Variants in AUTS2 observed in about 807,000 individuals in gnomAD.
AUTS2 encodes the protein activator of transcription and developmental regulator AUTS2, also known as autism susceptibility gene 2 protein.
In AUTS2, 17 loss-of-function variants were observed where a neutral mutation model predicts 112.4. The observed-to-expected ratio is 0.15, with a 90% confidence interval of 0.10 to 0.23. AUTS2 has a LOEUF of 0.23. AUTS2 is among the 10% of genes least tolerant of loss of function. The probability of loss-of-function intolerance (pLI) is 1.00; values close to 1 mark genes in which losing one functional copy is unlikely to be tolerated. For synonymous variants in AUTS2, 751 were observed against 702.7 expected (o/e 1.07, Z -1.09); for missense variants, 1,510 against 1,701.6 (o/e 0.89, Z 1.98).
intron 6 of AUTS2, among the ~76,000 whole-genome samples, chr7:70,754,445 C>G (rs566441665): frequency 3.3e-5 from 5 of 152,244 alleles, no homozygotes; most frequent in African/African-American, 1.2e-4. Context: ...GCTGTGATTG[C>G]ACCACTGCAT....
At chr7:70,350,491 A>T (rs757055784) in intron 4 of AUTS2, among the ~76,000 whole-genome samples, 15 of 152,200 alleles carry the variant, frequency 9.9e-5, no homozygotes, top group Non-Finnish European at 1.5e-4. Flanking sequence ...TACGTCTTAC[A>T]TGGTGGCAGG....
chr7:69,848,380 C>T (rs1792307855), intron 1 of AUTS2, among the ~76,000 whole-genome samples: 2 of 152,188 alleles, frequency 1.3e-5, no homozygotes, highest in African/African-American at 2.4e-5. Context: ...GAGCAGAGCA[C>T]GTTGCTGCCA....
chr7:69,647,077 G>T lies in AUTS2; in HGVS notation c.309+47115G>T, dbSNP rs566337185. On this transcript the variant is annotated intron_variant, in intron 1 of 18. Coordinates refer to ENST00000342771, the MANE Select transcript of AUTS2 (RefSeq NM_015570.4). ...CACTCCAGCCTGGGCGATAGAGCGA[G>T]ACTCTGTCTCAAACAAAACAAAACA... is the stretch of plus-strand genomic sequence containing the variant. Among the ~76,000 whole-genome samples the T allele has an allele frequency of 1.2e-4, 19 of 152,282 alleles. No homozygotes were observed. In the East Asian group the frequency reaches 3.7e-3, roughly 29 times the overall value.
chr7:70,784,868 A>G, intron 15 of AUTS2, 74 bp from the exon 16 acceptor site: 1 of 1,393,606 alleles, frequency 7.2e-7, no homozygotes, highest in Non-Finnish European at 1.0e-6. Context: ...GGGGCCCTTA[A>G]GCAAGTAGAA....
intron 2 of AUTS2, among the ~76,000 whole-genome samples, chr7:70,080,095 A>G (rs1420483048): frequency 6.6e-6 from 1 of 152,048 alleles, no homozygotes; most frequent in African/African-American, 2.4e-5. Context: ...TTTTGGGGGG[A>G]CACATTCAAA....
intron 4 of AUTS2, among the ~76,000 whole-genome samples, chr7:70,234,336 A>G (rs150622463): frequency 1.3e-5 from 2 of 152,186 alleles, no homozygotes; most frequent in Admixed American, 6.5e-5. Context: ...ATTGTCATTC[A>G]CGTTTCTCTT....
At chr7:69,681,476 G>C (rs1796793280) in intron 1 of AUTS2, among the ~76,000 whole-genome samples, 1 of 152,170 alleles carries the variant, frequency 6.6e-6, no homozygotes, top group Non-Finnish European at 1.5e-5. Flanking sequence ...CCTGTTCCAA[G>C]CTTCTTCAGA....
chr7:70,177,869 T>A (rs969555492), intron 4 of AUTS2, among the ~76,000 whole-genome samples: 1 of 152,024 alleles, frequency 6.6e-6, no homozygotes, highest in Non-Finnish European at 1.5e-5. Flanking sequence ...CTTCTTCCTG[T>A]TAGTGGTTTG....
chr7:70,591,172 C>G (rs1209671211), intron 5 of AUTS2, among the ~76,000 whole-genome samples: 2 of 151,932 alleles, frequency 1.3e-5, no homozygotes, highest in Admixed American at 6.6e-5. Flanking sequence ...CACCTGCCCC[C>G]ACCCCAGATG....
At chr7:70,469,198 T>A (rs1026469231) in intron 5 of AUTS2, among the ~76,000 whole-genome samples, 1 of 152,192 alleles carries the variant, frequency 6.6e-6, no homozygotes, top group African/African-American at 2.4e-5. Context: ...ATTCTCCTAG[T>A]ATGGATGGTA....
chr7:69,614,383 T>G (rs1793250075), intron 1 of AUTS2, among the ~76,000 whole-genome samples: 1 of 149,932 alleles, frequency 6.7e-6, no homozygotes, highest in African/African-American at 2.5e-5. Flanking sequence ...AGAGATGGGA[T>G]CTCACTCTGT....
At chr7:70,152,217 G>A (rs1395954761) in intron 4 of AUTS2, among the ~76,000 whole-genome samples, 2 of 152,102 alleles carry the variant, frequency 1.3e-5, no homozygotes, top group Non-Finnish European at 2.9e-5. Context: ...TCTAATGCAT[G>A]TAAATTGGAG....
At chr7:70,246,452 A>C (rs993375853) in intron 4 of AUTS2, among the ~76,000 whole-genome samples, 3 of 152,118 alleles carry the variant, frequency 2.0e-5, no homozygotes, top group Admixed American at 6.5e-5. Flanking sequence ...ATATATTTTA[A>C]AAGTTTCTTC....
intron 5 of AUTS2, among the ~76,000 whole-genome samples, chr7:70,681,320 C>T (rs182399779): frequency 7.2e-5 from 11 of 152,220 alleles, no homozygotes; most frequent in Middle Eastern, 3.4e-3. Flanking sequence ...TCCCGCTCCC[C>T]GAGGGTTTGC....
intron 5 of AUTS2, among the ~76,000 whole-genome samples, chr7:70,517,814 C>T (rs1799479800): frequency 6.6e-6 from 1 of 151,844 alleles, no homozygotes; most frequent in African/African-American, 2.4e-5. Flanking sequence ...TACATATATA[C>T]ATACATAATT....
Position 70,648,459 on chromosome 7 carries a change from A to G in AUTS2, c.691-50110A>G, listed in dbSNP as rs144292200. Among the ~76,000 whole-genome samples, 1,202 of 152,312 alleles carry G rather than the reference A, an allele frequency of 7.9e-3. 17 individuals carry two copies. The highest frequency in any genetic ancestry group is 0.027 in the African/African-American group (1,142 of 41,568). On this transcript the variant is annotated intron_variant, in intron 5 of 18. Coordinates refer to ENST00000342771, the MANE Select transcript of AUTS2 (RefSeq NM_015570.4). The stretch of plus-strand genomic sequence containing the variant: ...TTCTGTGTTGTATATGTCTGCACCA[A>G]TGAGAGTTTCATGATCTTGAATTTA...
intron 1 of AUTS2, among the ~76,000 whole-genome samples, chr7:69,737,553 C>G (rs1272798397): frequency 1.3e-5 from 2 of 152,096 alleles, no homozygotes; most frequent in Non-Finnish European, 2.9e-5. Flanking sequence ...CCATTAGGAA[C>G]AGTGGGCATC....
chr7:69,999,762 A>G (rs1197164715), intron 2 of AUTS2, among the ~76,000 whole-genome samples: 3 of 152,222 alleles, frequency 2.0e-5, no homozygotes, highest in Admixed American at 2.0e-4. Flanking sequence ...ACACACACAC[A>G]AAGAACGAAA....
chr7:70,226,110 A>G (rs1313381093), intron 4 of AUTS2, among the ~76,000 whole-genome samples: 2 of 152,324 alleles, frequency 1.3e-5, no homozygotes, highest in Non-Finnish European at 2.9e-5. Context: ...TATGTCATCT[A>G]TTAAAAGCTA....
Sources: gnomAD v4.1 joint callset for allele counts (sites outside exome capture counted in the v4.1 genomes callset) on GRCh38, gnomAD v4.1.1 for gene constraint, MANE v1.5 for transcripts, NCBI Gene and HGNC (gene_info 2026-07-23, HGNC 2026-07-21) for gene names.